The following VAV2 variants were observed in gnomAD, a reference collection of about 807,000 sequenced individuals.
VAV2 encodes guanine nucleotide exchange factor VAV2.
Under a neutral mutation model 132.5 loss-of-function variants are expected in VAV2, and 67 were observed. That is an observed-to-expected ratio of 0.51 (90% confidence interval 0.42 to 0.62). The LOEUF (loss-of-function observed/expected upper bound fraction) is 0.62, where lower values mean the gene tolerates loss of function less well. Ranked by LOEUF, VAV2 falls within the 20% of genes least tolerant of loss-of-function variation. The probability of loss-of-function intolerance (pLI) is 0.00; values close to 1 mark genes in which losing one functional copy is unlikely to be tolerated. For synonymous variants in VAV2, 492 were observed against 443.5 expected, an observed-to-expected ratio of 1.11 and a Z score of -1.37; for missense variants, 938 against 1,153.6, an observed-to-expected ratio of 0.81 and a Z score of 2.71.
At chr9:133,869,191 T>C (rs1837927882) in intron 2 of VAV2, among the ~76,000 whole-genome samples, 3 of 152,018 alleles carry the variant, frequency 2.0e-5, no homozygotes, top group Non-Finnish European at 4.4e-5. Flanking sequence ...GAGATGGGGT[T>C]TCAGCATGTT....
In VAV2 at chr9:133,912,034, AC is replaced by A. The variant is rs1839903216; in HGVS notation, c.321+27068del. On this transcript the variant is annotated intron_variant, in intron 2 of 29. Coordinates refer to ENST00000371850, the MANE Select transcript of VAV2 (RefSeq NM_001134398.2). This position sits in a 1 kb window ranked among gnomAD's most constrained non-coding sequence, Gnocchi z 4.3. Reference sequence around the variant, plus strand: ...GGATTGCTGCACAGAGCATCCCATCACCTAGGTATTAGGCCTGGCATCCATT... The same window carrying A: ...GGATTGCTGCACAGAGCATCCCATCACTAGGTATTAGGCCTGGCATCCATT... Among the ~76,000 whole-genome samples the A allele has an allele frequency of 6.6e-6, 1 of 152,098 alleles. No individual in the cohort carries two copies. Among genetic ancestry groups the A allele is most frequent in the South Asian group, 2.1e-4 (1 of 4,822 alleles).
intron 4 of VAV2, among the ~76,000 whole-genome samples, chr9:133,832,040 T>C (rs998154313): frequency 2.6e-5 from 4 of 152,208 alleles, no homozygotes; most frequent in Non-Finnish European, 5.9e-5. Context: ...CACCGCCCAC[T>C]GTTGCTGTCA....
intron 6 of VAV2, 34 bp from the exon 7 acceptor site, chr9:133,809,172 A>C: frequency 6.3e-7 from 1 of 1,595,312 alleles, no homozygotes; most frequent in Middle Eastern, 1.7e-4. Flanking sequence ...GCAGGACCCC[A>C]TGGGCCCGGC....
rs186188737 is a variant in VAV2, at chr9:133,884,837, C to A, written c.322-23405G>T. Among the ~76,000 whole-genome samples, 1 of 152,128 alleles carries A rather than the reference C, an allele frequency of 6.6e-6. No homozygotes were observed. The highest frequency in any genetic ancestry group is 2.4e-5 in the African/African-American group (1 of 41,440). ...AGGAAGCACCACTGGGCAGGCAGCT[C>A]TATCAGAGACCACAGGTGCACACAA... On this transcript the variant is annotated intron_variant, in intron 2 of 29. Transcript: ENST00000371850. This position sits in a 1 kb window ranked among gnomAD's most constrained non-coding sequence, Gnocchi z 5.3.
intron 1 of VAV2, among the ~76,000 whole-genome samples, chr9:133,956,771 G>A (rs1395575043): frequency 6.6e-6 from 1 of 152,218 alleles, no homozygotes; most frequent in Non-Finnish European, 1.5e-5. Flanking sequence ...CAGGAATGCT[G>A]CAGCTGCAGC....
At chr9:133,803,027 A>C (rs1382140344) in intron 9 of VAV2, among the ~76,000 whole-genome samples, 1 of 152,128 alleles carries the variant, frequency 6.6e-6, no homozygotes. Context: ...TTTGAGGTGG[A>C]CCATGACCGG....
chr9:133,770,297 G>A, intron 27 of VAV2, 81 bp downstream of exon 27: 1 of 1,592,072 alleles, frequency 6.3e-7, no homozygotes, highest in Non-Finnish European at 8.6e-7. Context: ...GGTCTGTGAG[G>A]GCAGGATCTG....
At position 133,788,626 on chromosome 9, in the gene VAV2, T is replaced by C. The variant is rs1834330675; in HGVS notation, c.1275-140A>G. ...CCTGCCCTCACCTGGCTCACCAGGC[T>C]AATGCTGAGCCTCGGTCAGGTCTCG... On this transcript the variant is annotated intron_variant, in intron 14 of 29. Transcript: ENST00000371850. This position sits in a 1 kb window ranked among gnomAD's most constrained non-coding sequence, Gnocchi z 5.3. 2 of 1,233,980 alleles carry C rather than the reference T, an allele frequency of 1.6e-6. No homozygotes were observed. Among genetic ancestry groups the C allele is most frequent in the Admixed American group, 2.3e-5 (1 of 42,850 alleles). 76.4% of individuals were successfully genotyped at this position (1,233,980 alleles called of 1,614,324 possible). A position where few individuals can be genotyped will look rare whatever the true frequency, so the allele number is the denominator to read the frequency against.
At chr9:133,910,473 C>G (rs912126866) in intron 2 of VAV2, among the ~76,000 whole-genome samples, 1 of 151,956 alleles carries the variant, frequency 6.6e-6, no homozygotes, top group Admixed American at 6.6e-5. Flanking sequence ...GATGAGGTGC[C>G]AAGGTTCAGT....
intron 2 of VAV2, among the ~76,000 whole-genome samples, chr9:133,870,917 T>C (rs145438776): frequency 0.016 from 1,600 of 98,528 alleles, 24 homozygotes; most frequent in Middle Eastern, 0.041. Context: ...GGTGGGTGGA[T>C]GGATGGATGG....
intron 24 of VAV2, 97 bp from the exon 25 acceptor site, chr9:133,775,148 T>A: frequency 1.0e-6 from 1 of 978,042 alleles, no homozygotes; most frequent in Non-Finnish European, 1.5e-6. Context: ...TGAAGTACTC[T>A]GCAGTCCTCA....
chr9:133,788,241 G>GCCCC lies in VAV2; in HGVS notation c.1407+112_1407+113insGGGG. 60 of 540,904 alleles carry GCCCC rather than the reference G, an allele frequency of 1.1e-4. No individual in the cohort carries two copies. Among genetic ancestry groups the GCCCC allele is most frequent in the Non-Finnish European group, 1.8e-4 (54 of 303,692 alleles). The allele number at this position is 540,904 out of a possible 1,614,324, so 33.5% of individuals were successfully genotyped here. A position where few individuals can be genotyped will look rare whatever the true frequency, so the allele number is the denominator to read the frequency against. On this transcript the variant is annotated intron_variant, in intron 15 of 29. Transcript: ENST00000371850. The surrounding 1 kb of genome is among the most constrained non-coding windows in gnomAD (Gnocchi z 5.3). ...GGAGACGCCCACCCCAACCCACCCG[G>GCCCC]CCAGCATCAGCGGCTGACTTCGAGT...
chr9:133,774,337 G>C (rs1000437575), intron 25 of VAV2, among the ~76,000 whole-genome samples: 1 of 152,182 alleles, frequency 6.6e-6, no homozygotes, highest in Non-Finnish European at 1.5e-5. Context: ...GCACACAGAA[G>C]GCTTTCTGAG....
intron 25 of VAV2, among the ~76,000 whole-genome samples, 168 bp downstream of exon 25, chr9:133,774,767 A>C (rs1223204606): frequency 6.6e-6 from 1 of 152,138 alleles, no homozygotes; most frequent in African/African-American, 2.4e-5. Context: ...ACACCTGTAG[A>C]GACCCCCTGA....
chr9:133,783,623 G>A (rs1279774638), intron 18 of VAV2, 32 bp from the exon 19 acceptor site: 4 of 1,606,274 alleles, frequency 2.5e-6, no homozygotes, highest in African/African-American at 1.3e-5. Context: ...GTGAGGTCGA[G>A]GCTGGGGTCG....
chr9:133,900,805 T>TTATGTATGTATG (rs952507972), intron 2 of VAV2, among the ~76,000 whole-genome samples: 2 of 125,558 alleles, frequency 1.6e-5, no homozygotes, highest in African/African-American at 5.5e-5. Flanking sequence ...ATTTATTTAT[T>TTATGTATGTATG]TATGTATTTT....
At chr9:133,799,812 G>A (rs534436203) in intron 9 of VAV2, among the ~76,000 whole-genome samples, 3 of 152,204 alleles carry the variant, frequency 2.0e-5, no homozygotes, top group Non-Finnish European at 4.4e-5. Flanking sequence ...AGAAGCCCCC[G>A]GTAGAGTAGG....
intron 3 of VAV2, among the ~76,000 whole-genome samples, chr9:133,860,258 C>T (rs1017070104): frequency 5.3e-5 from 8 of 151,446 alleles, no homozygotes; most frequent in Non-Finnish European, 8.8e-5. Context: ...GCCGAGATCG[C>T]GCCACTGCAC....
chr9:133,867,769 G>A (rs562467164), intron 2 of VAV2, among the ~76,000 whole-genome samples: 10 of 152,366 alleles, frequency 6.6e-5, no homozygotes, highest in East Asian at 1.9e-4. Context: ...CGCATCCAGC[G>A]ACCCATCCAT....
Sources: gnomAD v4.1 joint callset for allele counts (sites outside exome capture counted in the v4.1 genomes callset) on GRCh38, gnomAD v4.1.1 for gene constraint, Gnocchi (gnomAD v3.1) non-coding constraint, MANE v1.5 for transcripts, NCBI Gene and HGNC (gene_info 2026-07-23, HGNC 2026-07-21) for gene names.